The following DERA variants were observed in gnomAD, a reference collection of about 807,000 sequenced individuals.
The protein encoded by DERA is 2-deoxy-D-ribose 5-phosphate aldolase.
A neutral mutation model predicts 41.1 loss-of-function variants in DERA; 15 were observed. The observed-to-expected ratio is 0.37, with a 90% CI of 0.24 to 0.56. The LOEUF (loss-of-function observed/expected upper bound fraction) is 0.56. DERA is among the 20% of genes least tolerant of loss of function. The probability of loss-of-function intolerance (pLI) is 0.81; values close to 1 mark genes in which losing one functional copy is unlikely to be tolerated. For synonymous variants in DERA, 139 were observed against 137.4 expected, an observed-to-expected ratio of 1.01 and a Z score of -0.08; for missense variants, 396 against 403.4, an observed-to-expected ratio of 0.98 and a Z score of 0.16.
rs1948737863 is a variant in DERA at position 15,982,329 on chromosome 12, A to T, written c.530A>T (p.Gln177Leu). The T allele has an allele frequency of 6.2e-7, 1 of 1,613,454 alleles. No individual in the cohort carries two copies. The highest frequency in any genetic ancestry group is 1.7e-5 in the Admixed American group (1 of 59,850). The change falls in exon 6 of 9, where the codon CAG becomes CTG. Residue 177 changes from glutamine (Q) to leucine (L), a missense_variant. Physicochemically the swap from Gln to Leu is moderately radical, Grantham distance 113 (BLOSUM62 -2). Coordinates refer to ENST00000428559, the MANE Select transcript of DERA (RefSeq NM_015954.4). This position sits in a 1 kb window ranked among gnomAD's most constrained non-coding sequence, Gnocchi z 4.0. Reference protein sequence around the residue: ...QWEALYDEIRQFRKACGEAHL... With the variant: ...QWEALYDEIRLFRKACGEAHL... ...CCAGCCCTGTATGATGAGATTCGTC[A>T]GTTTCGCAAGGCCTGTGGGGAGGCT...
At position 15,943,500 on chromosome 12, in the gene DERA, G is replaced by A. The variant is rs1948422994; in HGVS notation, c.32-13436G>A. On this transcript the variant is annotated intron_variant, in intron 1 of 8. Coordinates refer to ENST00000428559, the MANE Select transcript of DERA (RefSeq NM_015954.4). This position sits in a 1 kb window ranked among gnomAD's most constrained non-coding sequence, Gnocchi z 4.5. ...CCATCTCACATGGGAAAACCTTTCTGTGCTGAAAAAAGTTCTCCTTAAGGA... is the reference window on the plus strand; with the variant it reads ...CCATCTCACATGGGAAAACCTTTCTATGCTGAAAAAAGTTCTCCTTAAGGA... 6.6e-6 allele frequency among the ~76,000 whole-genome samples: 1 copy of A among 152,026 alleles called. No homozygotes were observed. The highest frequency in any genetic ancestry group is 1.5e-5 in the Non-Finnish European group (1 of 68,000).
rs1472490605 is a variant in DERA at position 15,972,829 on chromosome 12, G to C, written c.509-9479G>C. ...GACTCCACGATCTAGTGCTGGACTT[G>C]GAAGTTAATCTTAAATAAAGAAAAC... On this transcript the variant is annotated intron_variant, in intron 5 of 8. Transcript: ENST00000428559. This position sits in a 1 kb window ranked among gnomAD's most constrained non-coding sequence, Gnocchi z 4.4. 6.6e-6 allele frequency among the ~76,000 whole-genome samples: 1 copy of C among 152,138 alleles called. No homozygotes were observed. The highest frequency in any genetic ancestry group is 1.5e-5 in the Non-Finnish European group (1 of 68,028).
chr12:16,007,890 A>G (rs1005447652), intron 6 of DERA, among the ~76,000 whole-genome samples: 1 of 151,754 alleles, frequency 6.6e-6, no homozygotes, highest in Non-Finnish European at 1.5e-5. Flanking sequence ...TCATTCTGTC[A>G]CCCAGGCTGG....
chr12:15,993,829 G>A lies in DERA; in HGVS notation c.637+11393G>A, dbSNP rs1293535551. Among the ~76,000 whole-genome samples the A allele has an allele frequency of 1.3e-5, 2 of 152,234 alleles. No homozygotes were observed. Among genetic ancestry groups the A allele is most frequent in the East Asian group, 3.9e-4 (2 of 5,180 alleles). ...ACACAGAGCTCTGTAGAGGAAAGAA[G>A]TTATCGTATTTTCTGGCTTCCCAGC... On this transcript the variant is annotated intron_variant, in intron 6 of 8. Transcript: ENST00000428559. This position sits in a 1 kb window ranked among gnomAD's most constrained non-coding sequence, Gnocchi z 4.4.
rs115054902 is a variant in DERA, at chr12:15,977,268, G to T, written c.509-5040G>T. Among the ~76,000 whole-genome samples, 568 of 152,132 alleles carry T rather than the reference G, an allele frequency of 3.7e-3. 3 individuals are homozygous for T. Among genetic ancestry groups the T allele is most frequent in the African/African-American group, 0.013 (536 of 41,506 alleles). ...CGAAGCACTGCAATGTATTTCCCTG[G>T]GAATATGTTGTAACTGCAGTGAGTG... On this transcript the variant is annotated intron_variant, in intron 5 of 8. Coordinates refer to ENST00000428559, the MANE Select transcript of DERA (RefSeq NM_015954.4).
intron 6 of DERA, among the ~76,000 whole-genome samples, chr12:16,007,237 G>T (rs908377254): frequency 6.7e-6 from 1 of 148,408 alleles, no homozygotes; most frequent in Non-Finnish European, 1.5e-5. Flanking sequence ...AGGCTGAAGC[G>T]CAGTGGCGCG....
chr12:16,025,459 AG>A (rs1313014984), intron 6 of DERA, among the ~76,000 whole-genome samples: 1 of 152,182 alleles, frequency 6.6e-6, no homozygotes, highest in African/African-American at 2.4e-5. Flanking sequence ...GCGATAAAAA[AG>A]GATATTTTAT....
In DERA at chr12:15,936,952, T is replaced by TCCCATCCCGTCCC. The variant is rs1565588764; in HGVS notation, c.32-19984_32-19983insCCCATCCCGTCCC. On this transcript the variant is annotated intron_variant, in intron 1 of 8. Transcript: ENST00000428559. This position sits in a 1 kb window ranked among gnomAD's most constrained non-coding sequence, Gnocchi z 4.6. ...TGTCCTGTCTTGTCCTGTCCCGTCCTGTCCTGCCCTGCCCTGCCCTGTCTT... is the reference window on the plus strand; with the variant it reads ...TGTCCTGTCTTGTCCTGTCCCGTCCTCCCATCCCGTCCCGTCCTGCCCTGCCCTGCCCTGTCTT... Among the ~76,000 whole-genome samples the TCCCATCCCGTCCC allele has an allele frequency of 8.0e-5, 12 of 149,214 alleles. No homozygotes were observed. Among genetic ancestry groups the TCCCATCCCGTCCC allele is most frequent in the Middle Eastern group, 3.5e-3 (1 of 284 alleles).
At chr12:15,934,100 T>C (rs1948348591) in intron 1 of DERA, among the ~76,000 whole-genome samples, 1 of 152,176 alleles carries the variant, frequency 6.6e-6, no homozygotes, top group Non-Finnish European at 1.5e-5. Context: ...TTGTTATCCA[T>C]GGTTTTCAAC....
chr12:15,923,714 T>C (rs1041708614), intron 1 of DERA, among the ~76,000 whole-genome samples: 6 of 149,244 alleles, frequency 4.0e-5, no homozygotes, highest in African/African-American at 1.5e-4. Context: ...TTTTTTTTTT[T>C]CATAAAAATA....
At position 15,936,911 on chromosome 12, in the gene DERA, C is replaced by CCG. The variant is rs1565588679; in HGVS notation, c.32-20025_32-20024insCG. On this transcript the variant is annotated intron_variant, in intron 1 of 8. Coordinates refer to ENST00000428559, the MANE Select transcript of DERA (RefSeq NM_015954.4). The surrounding 1 kb of genome is among the most constrained non-coding windows in gnomAD (Gnocchi z 4.6). ...TTGTCCTGTCCTGTCCTGTCCTGTC[C>CCG]TGTCCTGTCCTGTCCTGTCCTGTCT... Among the ~76,000 whole-genome samples the CCG allele has an allele frequency of 9.2e-4, 131 of 142,304 alleles. No individual in the cohort carries two copies. Among genetic ancestry groups the CCG allele is most frequent in the African/African-American group, 3.1e-3 (121 of 38,498 alleles). The allele number at this position is 142,304 out of a possible 152,430, so 93.4% of individuals were successfully genotyped here.
chr12:16,031,868 T>G (rs1220024586), intron 6 of DERA, among the ~76,000 whole-genome samples: 3 of 152,224 alleles, frequency 2.0e-5, no homozygotes, highest in Non-Finnish European at 4.4e-5. Context: ...GCATCTAGAT[T>G]CATAATGCAT....
At chr12:15,947,494 T>G (rs1199039561) in intron 1 of DERA, among the ~76,000 whole-genome samples, 1 of 152,192 alleles carries the variant, frequency 6.6e-6, no homozygotes, top group Non-Finnish European at 1.5e-5. Context: ...TATTTGTTGG[T>G]TTAAGGTCTG....
At chr12:15,960,670 T>C (rs1367912101) in intron 4 of DERA, among the ~76,000 whole-genome samples, 1 of 124,466 alleles carries the variant, frequency 8.0e-6, no homozygotes, top group Non-Finnish European at 1.7e-5. Flanking sequence ...AAAACAACGA[T>C]ATGTGCAAAA....
intron 1 of DERA, among the ~76,000 whole-genome samples, chr12:15,925,384 T>C (rs1948274489): frequency 6.6e-6 from 1 of 152,154 alleles, no homozygotes. Flanking sequence ...TTTGAACACA[T>C]GCCCCTTAAC....
Position 15,931,281 on chromosome 12 carries a change from TA to T in DERA, c.31+19871del, listed in dbSNP as rs1200801882. 1.3e-5 allele frequency among the ~76,000 whole-genome samples: 2 copies of T among 152,218 alleles called. No homozygotes were observed. The highest frequency in any genetic ancestry group is 2.9e-5 in the Non-Finnish European group (2 of 68,034). On this transcript the variant is annotated intron_variant, in intron 1 of 8. Transcript: ENST00000428559. This position sits in a 1 kb window ranked among gnomAD's most constrained non-coding sequence, Gnocchi z 4.6. ...AGTAACAGAGCATTATTGGACATTC[TA>T]AAATTTTAATTTTGGAAAGTTCTTC...
Position 15,957,182 on chromosome 12 carries a change from G to T in DERA, c.129+149G>T. The T allele has an allele frequency of 1.5e-6, 1 of 661,704 alleles. No homozygotes were observed. 41.0% of individuals were successfully genotyped at this position (661,704 alleles called of 1,614,324 possible). A position where few individuals can be genotyped will look rare whatever the true frequency, so the allele number is the denominator to read the frequency against. Reference sequence around the variant, plus strand: ...CTTATTTTAATAATTCATATATGATGATGATGGGTTGGAGAAAGATAACAC... The same window carrying T: ...CTTATTTTAATAATTCATATATGATTATGATGGGTTGGAGAAAGATAACAC... On this transcript the variant is annotated intron_variant, in intron 2 of 8. Coordinates refer to ENST00000428559, the MANE Select transcript of DERA (RefSeq NM_015954.4). The surrounding 1 kb of genome is among the most constrained non-coding windows in gnomAD (Gnocchi z 4.8).
chr12:16,016,673 TCCCAG>T (rs1948984138), intron 6 of DERA, among the ~76,000 whole-genome samples: 1 of 150,732 alleles, frequency 6.6e-6, no homozygotes, highest in Non-Finnish European at 1.5e-5. Context: ...GCACCTGTAC[TCCCAG>T]CTACGTGGAG....
chr12:16,031,731 A>G (rs1209153307), intron 6 of DERA, among the ~76,000 whole-genome samples: 1 of 152,134 alleles, frequency 6.6e-6, no homozygotes, highest in Non-Finnish European at 1.5e-5. Context: ...CTTTCCATTT[A>G]CTGTGTGATC....
Sources: allele counts gnomAD v4.1 joint callset (sites outside exome capture counted in the v4.1 genomes callset), GRCh38; gene constraint gnomAD v4.1.1; non-coding constraint Gnocchi (gnomAD v3.1); transcripts MANE v1.5; gene names NCBI Gene and HGNC (gene_info 2026-07-23, HGNC 2026-07-21).